CORO2A: variants seen among roughly 807,000 people sequenced by gnomAD.
CORO2A encodes coronin 2A, also known as coronin-2A.
A neutral mutation model predicts 62.4 loss-of-function variants in CORO2A; 47 were observed. The ratio of observed to expected loss-of-function variants is 0.75; its 90% CI spans 0.60 to 0.96. The LOEUF (loss-of-function observed/expected upper bound fraction) is 0.96. Ranked by LOEUF, CORO2A falls within the 40% of genes least tolerant of loss-of-function variation. The probability of loss-of-function intolerance (pLI) is 0.00; values close to 1 mark genes in which losing one functional copy is unlikely to be tolerated. For synonymous variants in CORO2A, 273 were observed against 268.9 expected (o/e 1.02, Z -0.15); for missense variants, 610 against 684.1 (o/e 0.89, Z 1.21).
intron 2 of CORO2A, among the ~76,000 whole-genome samples, chr9:98,154,599 CTCT>C (rs1263666579): frequency 6.6e-6 from 1 of 151,820 alleles, no homozygotes; most frequent in Admixed American, 6.6e-5. Flanking sequence ...TCATGGTAGT[CTCT>C]TCTTTGTTTT....
At chr9:98,186,008 G>A (rs948947720) in intron 1 of CORO2A, among the ~76,000 whole-genome samples, 3 of 152,246 alleles carry the variant, frequency 2.0e-5, no homozygotes, top group African/African-American at 7.2e-5. Context: ...AGAGGGACAA[G>A]ACTCTTGGGC....
chr9:98,180,078 C>T (rs1410627936), intron 1 of CORO2A, among the ~76,000 whole-genome samples: 1 of 152,116 alleles, frequency 6.6e-6, no homozygotes, highest in African/African-American at 2.4e-5. Context: ...TCATAATGTG[C>T]CTGCAATTCT....
intron 7 of CORO2A, among the ~76,000 whole-genome samples, chr9:98,130,655 G>A (rs1418758130): frequency 6.6e-6 from 1 of 152,250 alleles, no homozygotes; most frequent in Non-Finnish European, 1.5e-5. Context: ...ACATGGGATA[G>A]TCCTACCCAG....
rs563452362 is a variant in CORO2A at position 98,174,146 on chromosome 9, A to C, written c.1-16486T>G. On this transcript the variant is annotated intron_variant, in intron 1 of 11. Coordinates refer to ENST00000375077, the MANE Select transcript of CORO2A (RefSeq NM_052820.4). ...CACCGCCAAAACAAAAAACAAAAAAAAAAAACCAAAGAGCGTGTAGCCCTG... is the reference window on the plus strand; with the variant it reads ...CACCGCCAAAACAAAAAACAAAAAACAAAAACCAAAGAGCGTGTAGCCCTG... Among the ~76,000 whole-genome samples the C allele has an allele frequency of 4.9e-4, 74 of 151,742 alleles. 1 individual carries two copies. Among genetic ancestry groups the C allele is most frequent in the Admixed American group, 1.2e-3 (19 of 15,248 alleles).
At position 98,160,768 on chromosome 9, in the gene CORO2A, G is replaced by T. The variant is rs12000974; in HGVS notation, c.1-3108C>A. Among the ~76,000 whole-genome samples, 1,267 of 151,644 alleles carry T rather than the reference G, an allele frequency of 8.4e-3. 28 individuals carry two copies. Among genetic ancestry groups the T allele is most frequent in the African/African-American group, 0.029 (1,187 of 41,036 alleles). On this transcript the variant is annotated intron_variant, in intron 1 of 11. Transcript: ENST00000375077. The stretch of plus-strand genomic sequence containing the variant: ...TGGCAGCTGGTGATGCTCACCAGAC[G>T]TCCCATTGCTCCCCTCATGTCCAGG...
At chr9:98,189,892 T>A (rs1828283870) in intron 1 of CORO2A, among the ~76,000 whole-genome samples, 1 of 152,114 alleles carries the variant, frequency 6.6e-6, no homozygotes, top group Non-Finnish European at 1.5e-5. Context: ...CCTTTATTTT[T>A]TTTTTTTTTT....
chr9:98,154,754 T>A (rs1343664674), intron 2 of CORO2A, among the ~76,000 whole-genome samples: 1 of 152,264 alleles, frequency 6.6e-6, no homozygotes, highest in Non-Finnish European at 1.5e-5. Context: ...GACTCAACCA[T>A]GTTGTTGTAT....
At chr9:98,171,992 G>A (rs1176616445) in intron 1 of CORO2A, among the ~76,000 whole-genome samples, 2 of 151,724 alleles carry the variant, frequency 1.3e-5, no homozygotes, top group South Asian at 2.1e-4. Context: ...GGCTGGTATC[G>A]AAGGAAGAAA....
intron 2 of CORO2A, among the ~76,000 whole-genome samples, chr9:98,139,562 G>T (rs148857029): frequency 0.017 from 2,537 of 152,342 alleles, 44 homozygotes; most frequent in African/African-American, 0.041. Context: ...AGGAGGTGGA[G>T]GTTGCGGTGA....
intron 2 of CORO2A, among the ~76,000 whole-genome samples, chr9:98,139,880 T>C (rs1047968203): frequency 6.6e-6 from 1 of 152,230 alleles, no homozygotes; most frequent in African/African-American, 2.4e-5. Flanking sequence ...CATTTTCCCC[T>C]TTCCTAATGA....
intron 2 of CORO2A, among the ~76,000 whole-genome samples, chr9:98,156,877 C>T (rs1320274090): frequency 6.6e-6 from 1 of 152,166 alleles, no homozygotes; most frequent in East Asian, 1.9e-4. Flanking sequence ...TCCCTCTAGC[C>T]CCTTCAGGTG....
chr9:98,158,908 G>A (rs191328855), intron 1 of CORO2A, among the ~76,000 whole-genome samples: 5 of 152,098 alleles, frequency 3.3e-5, no homozygotes, highest in Non-Finnish European at 5.9e-5. Context: ...CCAGAGGGGC[G>A]AGGAGAGCCA....
intron 11 of CORO2A, 91 bp downstream of exon 11, chr9:98,126,458 T>G: frequency 6.7e-7 from 1 of 1,496,502 alleles, no homozygotes; most frequent in South Asian, 1.3e-5. Flanking sequence ...ATTCTTCTCA[T>G]GCCTCATTTT....
intron 1 of CORO2A, among the ~76,000 whole-genome samples, chr9:98,175,632 A>G (rs769365163): frequency 2.0e-4 from 31 of 152,114 alleles, no homozygotes; most frequent in Non-Finnish European, 4.1e-4. Context: ...GGAAGAATGG[A>G]TGCAGAGGGG....
chr9:98,151,239 G>T (rs900060047), intron 2 of CORO2A, among the ~76,000 whole-genome samples: 3 of 152,180 alleles, frequency 2.0e-5, no homozygotes. Context: ...TCAGGGCATG[G>T]TTCTAAGGAA....
intron 2 of CORO2A, among the ~76,000 whole-genome samples, chr9:98,145,647 G>T (rs1203089997): frequency 6.6e-6 from 1 of 152,228 alleles, no homozygotes; most frequent in Non-Finnish European, 1.5e-5. Context: ...AGTCCTGGGA[G>T]GCATCTGAGC....
chr9:98,176,028 T>G (rs995139866), intron 1 of CORO2A, among the ~76,000 whole-genome samples: 1 of 152,214 alleles, frequency 6.6e-6, no homozygotes, highest in Non-Finnish European at 1.5e-5. Flanking sequence ...AAAATGAATA[T>G]GGGCTTTGAG....
intron 1 of CORO2A, among the ~76,000 whole-genome samples, chr9:98,158,754 A>G (rs1350251760): frequency 6.6e-6 from 1 of 152,016 alleles, no homozygotes; most frequent in Non-Finnish European, 1.5e-5. Context: ...GAGCTGGGGG[A>G]AGGTGTCTTA....
intron 2 of CORO2A, among the ~76,000 whole-genome samples, chr9:98,148,327 G>A (rs1260221104): frequency 2.0e-5 from 3 of 150,294 alleles, no homozygotes; most frequent in South Asian, 2.1e-4. Context: ...CCCAGGAGGC[G>A]GAGGCTTCAG....
Sources: allele counts gnomAD v4.1 joint callset (sites outside exome capture counted in the v4.1 genomes callset), GRCh38; gene constraint gnomAD v4.1.1; transcripts MANE v1.5; gene names NCBI Gene and HGNC (gene_info 2026-07-23, HGNC 2026-07-21).